The following CEP128 variants were observed in gnomAD, a reference collection of about 807,000 sequenced individuals.
CEP128 encodes centrosomal protein 128.
In CEP128, 132 loss-of-function variants were observed where a neutral mutation model predicts 156.7. The observed-to-expected ratio is 0.84, with a 90% CI of 0.73 to 0.97. The LOEUF (loss-of-function observed/expected upper bound fraction) is 0.97. Ranked by LOEUF, CEP128 falls within the 50% of genes least tolerant of loss-of-function variation. The pLI, the probability that CEP128 is intolerant of heterozygous loss-of-function variation, is 0.00. For missense variants in CEP128, 1,252 were observed against 1,281.9 expected, an observed-to-expected ratio of 0.98 and a Z score of 0.36; for synonymous variants, 469 against 448.9, an observed-to-expected ratio of 1.04 and a Z score of -0.57.
chr14:80,673,080 T>G (rs1171993090), intron 19 of CEP128, among the ~76,000 whole-genome samples: 2 of 152,168 alleles, frequency 1.3e-5, no homozygotes, highest in Non-Finnish European at 2.9e-5. Context: ...TAACAGTACT[T>G]TCTCATATTT....
intron 7 of CEP128, among the ~76,000 whole-genome samples, chr14:80,899,722 T>C (rs1284800943): frequency 1.3e-5 from 2 of 152,200 alleles, no homozygotes; most frequent in Non-Finnish European, 2.9e-5. Context: ...TTGTATTAAG[T>C]TAAAGCGTTT....
At chr14:80,491,662 G>A (rs975401575), downstream of CEP128, among the ~76,000 whole-genome samples, 2 of 152,092 alleles carry the variant, frequency 1.3e-5, no homozygotes, top group East Asian at 1.9e-4. Flanking sequence ...AGGGCACCCC[G>A]GCTGAAAAAC....
At chr14:80,775,849 T>C (rs371726513) in intron 16 of CEP128, among the ~76,000 whole-genome samples, 26 of 152,270 alleles carry the variant, frequency 1.7e-4, no homozygotes, top group African/African-American at 4.8e-4. Flanking sequence ...TTTATTTTTT[T>C]TGAGATGGAG....
intron 19 of CEP128, among the ~76,000 whole-genome samples, chr14:80,614,897 C>T (rs2046185736): frequency 6.6e-6 from 1 of 152,146 alleles, no homozygotes. Context: ...TCTTCTTTCC[C>T]TAAGAATTAT....
intron 23 of CEP128, among the ~76,000 whole-genome samples, chr14:80,521,127 C>G (rs1039960820): frequency 1.3e-5 from 2 of 151,484 alleles, no homozygotes; most frequent in Non-Finnish European, 2.9e-5. Context: ...GCATGAGCCA[C>G]CACACCCGGC....
chr14:80,878,792 TTCTGTGCCTCAAG>T (rs1234669563), intron 8 of CEP128, among the ~76,000 whole-genome samples: 3 of 152,122 alleles, frequency 2.0e-5, no homozygotes, highest in Non-Finnish European at 4.4e-5. Context: ...TGGAGAGTGA[TTCTGTGCCTCAAG>T]TCCCAGGTGC....
intron 2 of CEP128, among the ~76,000 whole-genome samples, chr14:80,919,452 A>AAGTCTTAGT (rs1884733382): frequency 6.6e-6 from 1 of 152,092 alleles, no homozygotes; most frequent in Non-Finnish European, 1.5e-5. Flanking sequence ...ACTGTAAATA[A>AAGTCTTAGT]AGTCTTAGTA....
downstream of CEP128, among the ~76,000 whole-genome samples, chr14:80,494,736 AT>A (rs1305961288): frequency 2.0e-5 from 3 of 152,312 alleles, no homozygotes; most frequent in East Asian, 5.8e-4. Context: ...GTAGGTAGGC[AT>A]TTTTTATACA....
At chr14:80,910,743 A>C (rs1409336382) in intron 4 of CEP128, among the ~76,000 whole-genome samples, 1 of 152,172 alleles carries the variant, frequency 6.6e-6, no homozygotes, top group Non-Finnish European at 1.5e-5. Flanking sequence ...TTTCTGACTT[A>C]AGCATGTAGT....
intron 19 of CEP128, among the ~76,000 whole-genome samples, chr14:80,660,091 G>C (rs1785088488): frequency 6.6e-6 from 1 of 152,092 alleles, no homozygotes; most frequent in African/African-American, 2.4e-5. Context: ...TGTACGCAAA[G>C]GTATTAACAT....
intron 19 of CEP128, among the ~76,000 whole-genome samples, chr14:80,733,887 T>G (rs1003768152): frequency 1.3e-5 from 2 of 152,192 alleles, no homozygotes; most frequent in African/African-American, 4.8e-5. Flanking sequence ...AAAGGTACAC[T>G]AGGCATCTGA....
At chr14:80,676,383 T>C (rs1896061330) in intron 19 of CEP128, among the ~76,000 whole-genome samples, 2 of 152,192 alleles carry the variant, frequency 1.3e-5, no homozygotes, top group South Asian at 4.1e-4. Context: ...TTTTATTGAT[T>C]TTATATATTG....
At chr14:80,562,495 TTTTAAAA>T (rs1242766733) in intron 20 of CEP128, among the ~76,000 whole-genome samples, 1 of 152,146 alleles carries the variant, frequency 6.6e-6, no homozygotes, top group Non-Finnish European at 1.5e-5. Flanking sequence ...TCTTATTTGA[TTTTAAAA>T]TTTAAGAAAT....
At chr14:80,837,673 GCCA>G (rs1479343456) in intron 11 of CEP128, among the ~76,000 whole-genome samples, 1 of 152,162 alleles carries the variant, frequency 6.6e-6, no homozygotes, top group Non-Finnish European at 1.5e-5. Flanking sequence ...CCAAGATTGC[GCCA>G]CTGCACTCCA....
chr14:80,914,404 G>A lies in CEP128; in HGVS notation c.152C>T (p.Thr51Ile), dbSNP rs148308863. ...GTCCACTTGTCGCAGGTTCCGACTG[G>A]TATCCTTGAGAAAGAAAATGGACTG... ...VNTITSTLQDTSRNLRQVDQM... is the reference protein window; with the variant it reads ...VNTITSTLQDISRNLRQVDQM... The change falls in exon 4 of 25, where the codon ACC becomes ATC. Residue 51 changes from threonine to isoleucine, a missense_variant. Thr to Ile is a moderately conservative substitution (Grantham distance 89). Coordinates refer to ENST00000555265, the MANE Select transcript of CEP128 (RefSeq NM_152446.5). 1 of 1,611,534 alleles carries A rather than the reference G, an allele frequency of 6.2e-7. No homozygotes were observed. Among genetic ancestry groups the A allele is most frequent in the African/African-American group, 1.3e-5 (1 of 74,802 alleles).
intron 8 of CEP128, among the ~76,000 whole-genome samples, chr14:80,876,032 G>T (rs1343739371): frequency 6.6e-6 from 1 of 151,964 alleles, no homozygotes; most frequent in East Asian, 1.9e-4. Flanking sequence ...AAAGAAGAAA[G>T]AATTAAAACT....
exon 15 of CEP128, chr14:80,477,212 T>G (rs1336000768): frequency 6.6e-6 from 1 of 152,248 alleles, no homozygotes; most frequent in East Asian, 1.9e-4. Context: ...CAACAGCTGC[T>G]CTTATGAAAA....
At chr14:80,628,046 G>A (rs1893806105) in intron 19 of CEP128, among the ~76,000 whole-genome samples, 1 of 152,122 alleles carries the variant, frequency 6.6e-6, no homozygotes, top group Non-Finnish European at 1.5e-5. Context: ...AAGCGTACTA[G>A]TGAAAAAGCT....
intron 2 of CEP128, chr14:80,954,840 G>C (rs1159844023): frequency 6.6e-6 from 1 of 152,064 alleles, no homozygotes; most frequent in Non-Finnish European, 1.5e-5. Flanking sequence ...GAAATTCTTG[G>C]GTCGACCAGA....
Sources: gnomAD v4.1 joint callset for allele counts (sites outside exome capture counted in the v4.1 genomes callset) on GRCh38, gnomAD v4.1.1 for gene constraint, MANE v1.5 for transcripts, NCBI Gene and HGNC (gene_info 2026-07-23, HGNC 2026-07-21) for gene names.